The following MX1 variants were observed in gnomAD, a reference collection of about 807,000 sequenced individuals.
The protein encoded by MX1 is MX dynamin like GTPase 1.
In MX1, 66 loss-of-function variants were observed where a neutral mutation model predicts 66.4. The observed-to-expected ratio is 0.99, with a 90% CI of 0.82 to 1.22. The LOEUF (loss-of-function observed/expected upper bound fraction) is 1.22, where lower values mean the gene tolerates loss of function less well. MX1 is among the 50% of genes most tolerant of loss of function. MX1 has a pLI of 0.00. For missense variants in MX1, 787 were observed against 834.3 expected (o/e 0.94, Z 0.70); for synonymous variants, 311 against 318.1 (o/e 0.98, Z 0.24).
chr21:41,441,137 G>A lies in MX1; in HGVS notation c.730+112G>A. On this transcript the variant is annotated intron_variant, in intron 9 of 16. Transcript: ENST00000398598. The surrounding 1 kb of genome is among the most constrained non-coding windows in gnomAD (Gnocchi z 4.0). ...GGTGAGAATGGGGGAGCCCGCCTGT[G>A]CTCGGTGAGAATGGGGGAGCCCGCC... 1 of 1,175,642 alleles carries A rather than the reference G, an allele frequency of 8.5e-7. No individual in the cohort carries two copies. Among genetic ancestry groups the A allele is most frequent in the East Asian group, 2.5e-5 (1 of 40,744 alleles). The allele number at this position is 1,175,642 out of a possible 1,614,324, so 72.8% of individuals were successfully genotyped here. A position where few individuals can be genotyped will look rare whatever the true frequency, so the allele number is the denominator to read the frequency against.
rs2090343584 is a variant in MX1 at position 41,435,851 on chromosome 21, C to T, written c.120C>T (p.Asn40=). Reference sequence around the variant, plus strand: ...GTTTCCTCCAGGTGGCTGAGAACAACCTGTGCAGCCAGTATGAGGAGAAGG... The same window carrying T: ...GTTTCCTCCAGGTGGCTGAGAACAATCTGTGCAGCCAGTATGAGGAGAAGG... ...QKNPGSVAEN[N]LCSQYEEKVR... is the part of the protein sequence containing the mutation. The change falls in exon 6 of 17, where the codon AAC becomes AAT. Residue 40 remains asparagine (N), a synonymous_variant. Coordinates refer to ENST00000398598, the MANE Select transcript of MX1 (RefSeq NM_002462.5). The T allele has an allele frequency of 6.2e-7, 1 of 1,607,842 alleles. No homozygotes were observed. The highest frequency in any genetic ancestry group is 8.5e-7 in the Non-Finnish European group (1 of 1,175,050).
At chr21:41,436,109 G>GT in intron 6 of MX1, 80 bp downstream of exon 6, 13 of 1,507,072 alleles carry the variant, frequency 8.6e-6, no homozygotes, top group Non-Finnish European at 1.2e-5. Flanking sequence ...TACAACAAAA[G>GT]TTTATTTTCT....
chr21:41,451,338 T>A, intron 15 of MX1, 95 bp downstream of exon 15: 2 of 842,280 alleles, frequency 2.4e-6, no homozygotes, highest in Non-Finnish European at 3.9e-6. Flanking sequence ...TATTTCAACT[T>A]TATTGTATAC....
chr21:41,431,849 C>T (rs1462424513), intron 4 of MX1: 3 of 516,318 alleles, frequency 5.8e-6, no homozygotes, highest in African/African-American at 5.8e-5. Flanking sequence ...CTTTGGGTCA[C>T]TCTGTTTCTC....
chr21:41,424,903 C>A (rs554279292), upstream of MX1, among the ~76,000 whole-genome samples: 1 of 152,322 alleles, frequency 6.6e-6, no homozygotes, highest in Non-Finnish European at 1.5e-5. Flanking sequence ...AGGTTTCAGA[C>A]AAAGACAGTA....
Position 41,449,136 on chromosome 21 carries a change from G to T in MX1, c.1274-1G>T. 1 of 1,607,216 alleles carries T rather than the reference G, an allele frequency of 6.2e-7. No homozygotes were observed. The highest frequency in any genetic ancestry group is 1.3e-5 in the African/African-American group (1 of 74,436). ...TTAGAGGGTTTTTTTTCCTGCTATAGGCCATAAAATTTTGAGTAGAAAAAT... is the reference window on the plus strand; with the variant it reads ...TTAGAGGGTTTTTTTTCCTGCTATATGCCATAAAATTTTGAGTAGAAAAAT... On this transcript the variant is annotated splice_acceptor_variant, in intron 13 of 16. Transcript: ENST00000398598. LOFTEE classifies it high-confidence loss of function.
intron 12 of MX1, 37 bp from the exon 13 acceptor site, chr21:41,445,963 G>A (rs756955637): frequency 1.9e-6 from 3 of 1,604,458 alleles, no homozygotes; most frequent in African/African-American, 2.7e-5. Flanking sequence ...TGGATTTGAA[G>A]TCTATCCACT....
intron 13 of MX1, among the ~76,000 whole-genome samples, chr21:41,447,436 C>T: frequency 6.6e-6 from 1 of 152,214 alleles, no homozygotes; most frequent in East Asian, 1.9e-4. Context: ...TGGAATATTT[C>T]CAGCCACAGA....
intron 10 of MX1, among the ~76,000 whole-genome samples, chr21:41,442,485 A>G (rs548807801): frequency 1.3e-5 from 2 of 152,366 alleles, no homozygotes; most frequent in South Asian, 2.1e-4. Context: ...TGAATAGTTT[A>G]TAAGATTTTT....
At chr21:41,445,177 C>T (rs34535328) in intron 11 of MX1, among the ~76,000 whole-genome samples, 55 of 152,262 alleles carry the variant, frequency 3.6e-4, no homozygotes, top group Non-Finnish European at 5.0e-4. Context: ...GTCACTCTGC[C>T]GGGGCCTAGG....
intron 6 of MX1, 147 bp downstream of exon 6, chr21:41,436,176 C>A: frequency 1.1e-6 from 1 of 942,320 alleles, no homozygotes; most frequent in Non-Finnish European, 1.5e-6. Flanking sequence ...TGAGGCCTTT[C>A]TCCATGGCTT....
At chr21:41,434,971 G>T (rs960335077) in intron 5 of MX1, among the ~76,000 whole-genome samples, 1 of 152,194 alleles carries the variant, frequency 6.6e-6, no homozygotes, top group African/African-American at 2.4e-5. Flanking sequence ...TAATGAATTA[G>T]TTAAGCTTTT....
Position 41,441,090 on chromosome 21 carries a change from A to C in MX1, c.730+65A>C. On this transcript the variant is annotated intron_variant, in intron 9 of 16. Coordinates refer to ENST00000398598, the MANE Select transcript of MX1 (RefSeq NM_002462.5). The surrounding 1 kb of genome is among the most constrained non-coding windows in gnomAD (Gnocchi z 4.0). ...GGGAGCCCGCCTGTGCTCGGTGAGAATGGGGGAGCCCACCTGTGCTCGGTG... is the reference window on the plus strand; with the variant it reads ...GGGAGCCCGCCTGTGCTCGGTGAGACTGGGGGAGCCCACCTGTGCTCGGTG... 4.2e-6 allele frequency: 6 copies of C among 1,426,598 alleles called. No homozygotes were observed. The highest frequency in any genetic ancestry group is 5.6e-6 in the Non-Finnish European group (6 of 1,072,526). The allele number at this position is 1,426,598 out of a possible 1,614,324, so 88.4% of individuals were successfully genotyped here. A position where few individuals can be genotyped will look rare whatever the true frequency, so the allele number is the denominator to read the frequency against.
chr21:41,456,080 A>G (rs1014499437), intron 16 of MX1, among the ~76,000 whole-genome samples: 5 of 152,134 alleles, frequency 3.3e-5, no homozygotes, highest in Admixed American at 3.3e-4. Flanking sequence ...GGTCTCTACT[A>G]AAAATACAAA....
intron 12 of MX1, 86 bp from the exon 13 acceptor site, chr21:41,445,914 C>A: frequency 1.3e-6 from 2 of 1,527,172 alleles, no homozygotes; most frequent in Non-Finnish European, 1.8e-6. Flanking sequence ...TGACTCCCCA[C>A]CCTCCACATA....
chr21:41,431,077 C>T (rs923191238), intron 4 of MX1, among the ~76,000 whole-genome samples: 3 of 152,208 alleles, frequency 2.0e-5, no homozygotes, highest in South Asian at 2.1e-4. Context: ...GGCTGGAGTG[C>T]AGTGGTGCGA....
chr21:41,451,176 G>A lies in MX1; in HGVS notation c.1442G>A (p.Arg481Gln), dbSNP rs775064642. ...TTCTCTCTTTGATTAGATATGGTCC[G>A]GCTTGCTTTCACAGATGTTTCGATA... ...DMLHTVTDMVRLAFTDVSIKN... is the reference protein window; with the variant it reads ...DMLHTVTDMVQLAFTDVSIKN... Residue 481 changes from arginine (R) to glutamine (Q), a missense_variant, in exon 15 of 17, where the codon CGG (arginine) becomes CAG (glutamine). By Grantham distance (43) the Arg-to-Gln change is conservative. Transcript: ENST00000398598. 1.5e-5 allele frequency: 24 copies of A among 1,610,044 alleles called. No individual in the cohort carries two copies. Among genetic ancestry groups the A allele is most frequent in the East Asian group, 8.9e-5 (4 of 44,810 alleles).
chr21:41,449,296 G>A lies in MX1; in HGVS notation c.1432+1G>A. 6.2e-7 allele frequency: 1 copy of A among 1,608,192 alleles called. No individual in the cohort carries two copies. The highest frequency in any genetic ancestry group is 8.5e-7 in the Non-Finnish European group (1 of 1,178,248). On this transcript the variant is annotated splice_donor_variant, in intron 14 of 16. Coordinates refer to ENST00000398598, the MANE Select transcript of MX1 (RefSeq NM_002462.5). LOFTEE classifies it high-confidence loss of function. The stretch of plus-strand genomic sequence containing the variant: ...GTGGATATGCTACACACCGTGACGG[G>A]TGAGTGCTCAGTTTCACCTCTGAGC...
rs145288265 is a variant in MX1 at position 41,446,091 on chromosome 21, G to C, written c.1223G>C (p.Arg408Pro). 1 of 1,614,166 alleles carries C rather than the reference G, an allele frequency of 6.2e-7. No individual in the cohort carries two copies. The highest frequency in any genetic ancestry group is 8.5e-7 in the Non-Finnish European group (1 of 1,180,030). Residue 408 changes from arginine to proline, a missense_variant, in exon 13 of 17, where the codon CGA (arginine) becomes CCA (proline). Arg to Pro is a moderately radical substitution (Grantham distance 103). Transcript: ENST00000398598. ...EEDIRLFTRLRHEFHKWSTII... is the reference protein window; with the variant it reads ...EEDIRLFTRLPHEFHKWSTII... ...GACATTCGGCTGTTTACCAGACTCCGACACGAGTTCCACAAATGGAGTACA... is the reference window on the plus strand; with the variant it reads ...GACATTCGGCTGTTTACCAGACTCCCACACGAGTTCCACAAATGGAGTACA...
Sources: allele counts gnomAD v4.1 joint callset (sites outside exome capture counted in the v4.1 genomes callset), GRCh38; gene constraint gnomAD v4.1.1; non-coding constraint Gnocchi (gnomAD v3.1); transcripts MANE v1.5; gene names NCBI Gene and HGNC (gene_info 2026-07-23, HGNC 2026-07-21).